Variants in PCDHGB7 observed in about 807,000 individuals in gnomAD.
The protein encoded by PCDHGB7 is protocadherin gamma-B7.
Under a neutral mutation model 61.4 loss-of-function variants are expected in PCDHGB7, and 37 were observed. That is an observed-to-expected ratio of 0.60 (90% confidence interval 0.46 to 0.79). The LOEUF (loss-of-function observed/expected upper bound fraction) is 0.79, where lower values mean the gene tolerates loss of function less well. PCDHGB7 is among the 30% of genes least tolerant of loss of function. The pLI is 0.00. For missense variants in PCDHGB7, 1,166 were observed against 1,202.5 expected, an observed-to-expected ratio of 0.97 and a Z score of 0.45; for synonymous variants, 464 against 503.5, an observed-to-expected ratio of 0.92 and a Z score of 1.05.
At chr5:141,470,302 C>A (rs996558051) in intron 1 of PCDHGB7, among the ~76,000 whole-genome samples, 5 of 152,188 alleles carry the variant, frequency 3.3e-5, no homozygotes, top group African/African-American at 1.2e-4. Context: ...GTTTTTATTC[C>A]ATTTTTCCTC....
At chr5:141,501,716 A>G (rs2099810687) in intron 2 of PCDHGB7, among the ~76,000 whole-genome samples, 1 of 152,160 alleles carries the variant, frequency 6.6e-6, no homozygotes, top group African/African-American at 2.4e-5. Flanking sequence ...TAAAAAAGAC[A>G]AATATATTAC....
At position 141,485,320 on chromosome 5, in the gene PCDHGB7, T is replaced by G; in HGVS notation, c.2416-9487T>G. The G allele has an allele frequency of 6.2e-7, 1 of 1,614,114 alleles. No individual in the cohort carries two copies. The highest frequency in any genetic ancestry group is 8.5e-7 in the Non-Finnish European group (1 of 1,180,018). ...AAGGGACTTTTGTAGGGAATGTCGC[T>G]CAAGATTTCCTGCTGGATACGGACA... is the stretch of plus-strand genomic sequence containing the variant. On this transcript the variant is annotated intron_variant, in intron 1 of 3. Transcript: ENST00000398594. The surrounding 1 kb of genome is among the most constrained non-coding windows in gnomAD (Gnocchi z 5.7).
Position 141,511,225 on chromosome 5 carries a change from C to A in PCDHGB7, c.*52C>A. ...GGCGGCCTCTCCCCAACCAGCCCAG[C>A]TTCTCCTTACCTGCACCCAGGCCTC... On this transcript the variant is annotated 3_prime_UTR_variant, in exon 4 of 4. Transcript: ENST00000398594. The A allele has an allele frequency of 6.2e-7, 1 of 1,601,624 alleles. No individual in the cohort carries two copies. Among genetic ancestry groups the A allele is most frequent in the Non-Finnish European group, 8.5e-7 (1 of 1,174,162 alleles).
chr5:141,422,656 G>A (rs759548203), intron 1 of PCDHGB7: 3 of 1,609,780 alleles, frequency 1.9e-6, no homozygotes, highest in Non-Finnish European at 1.7e-6. Context: ...CTCAGTGACC[G>A]CCCTCGACCC....
At chr5:141,510,860 G>A (rs1274817106) in intron 3 of PCDHGB7, 87 bp from the exon 4 acceptor site, 11 of 1,606,558 alleles carry the variant, frequency 6.8e-6, no homozygotes, top group South Asian at 4.4e-5. Context: ...GTGCTGTATA[G>A]GCATTCATTA....
intron 2 of PCDHGB7, 106 bp downstream of exon 2, chr5:141,494,971 C>T (rs1244836841): frequency 1.3e-6 from 2 of 1,583,382 alleles, no homozygotes; most frequent in African/African-American, 1.3e-5. Context: ...ATGGCTTCTC[C>T]CTCAGTTTGA....
chr5:141,447,301 G>A (rs557269538), intron 1 of PCDHGB7, among the ~76,000 whole-genome samples: 39 of 152,060 alleles, frequency 2.6e-4, no homozygotes, highest in Non-Finnish European at 1.5e-4. Flanking sequence ...CACCACACCC[G>A]GCTAATTTTT....
intron 1 of PCDHGB7, chr5:141,441,986 C>A (rs2098288559): frequency 1.1e-5 from 3 of 269,098 alleles, no homozygotes; most frequent in South Asian, 7.5e-5. Context: ...GAATGCGCAC[C>A]GACGAGGTGC....
At position 141,477,039 on chromosome 5, in the gene PCDHGB7, G is replaced by C. The variant is rs1313580652; in HGVS notation, c.2416-17768G>C. Reference sequence around the variant, plus strand: ...GTAACCGGGATGCTGACAATCAAGGGTCGGCTGGACTTCGAGGACACCAAA... The same window carrying C: ...GTAACCGGGATGCTGACAATCAAGGCTCGGCTGGACTTCGAGGACACCAAA... On this transcript the variant is annotated intron_variant, in intron 1 of 3. Coordinates refer to ENST00000398594, the MANE Select transcript of PCDHGB7 (RefSeq NM_018927.4). This position sits in a 1 kb window ranked among gnomAD's most constrained non-coding sequence, Gnocchi z 4.9. 1 of 1,614,144 alleles carries C rather than the reference G, an allele frequency of 6.2e-7. No individual in the cohort carries two copies. The highest frequency in any genetic ancestry group is 8.5e-7 in the Non-Finnish European group (1 of 1,180,056).
chr5:141,458,509 CTTTGT>C (rs1181745590), intron 1 of PCDHGB7, among the ~76,000 whole-genome samples: 1 of 149,986 alleles, frequency 6.7e-6, no homozygotes, highest in Non-Finnish European at 1.5e-5. Context: ...CTGTTTGACA[CTTTGT>C]TTTTTTTTTT....
intron 2 of PCDHGB7, among the ~76,000 whole-genome samples, chr5:141,496,406 G>C (rs1485949584): frequency 6.6e-6 from 1 of 152,160 alleles, no homozygotes; most frequent in African/African-American, 2.4e-5. Flanking sequence ...CTCAATGGTT[G>C]AGTACTTGCT....
intron 1 of PCDHGB7, among the ~76,000 whole-genome samples, chr5:141,492,862 G>A (rs2099744602): frequency 6.6e-6 from 1 of 152,198 alleles, no homozygotes. Context: ...GAGCGCCCTG[G>A]CTCTCAACCC....
At chr5:141,460,435 A>G (rs1002182353) in intron 1 of PCDHGB7, among the ~76,000 whole-genome samples, 1 of 152,144 alleles carries the variant, frequency 6.6e-6, no homozygotes, top group Admixed American at 6.6e-5. Context: ...GTATGGTGTG[A>G]GGTAACAATG....
chr5:141,438,807 G>A (rs956766683), intron 1 of PCDHGB7, among the ~76,000 whole-genome samples: 13 of 149,270 alleles, frequency 8.7e-5, no homozygotes, highest in African/African-American at 1.7e-4. Context: ...GATTACAGGC[G>A]CCTGTCACCA....
intron 1 of PCDHGB7, chr5:141,441,943 C>CT: frequency 1.2e-5 from 4 of 336,004 alleles, no homozygotes; most frequent in South Asian, 1.1e-4. Flanking sequence ...CTACCACGTG[C>CT]TGCAGGCCAG....
At chr5:141,427,965 C>G in intron 1 of PCDHGB7, 1 of 1,590,342 alleles carries the variant, frequency 6.3e-7, no homozygotes, top group Non-Finnish European at 8.6e-7. Flanking sequence ...GCCGCGGGTG[C>G]TGTACCCCGC....
chr5:141,441,835 G>A (rs1423189098), intron 1 of PCDHGB7: 9 of 353,636 alleles, frequency 2.5e-5, no homozygotes, highest in Admixed American at 2.1e-4. Flanking sequence ...CAATGGCTTC[G>A]CGCTCTTGGA....
At chr5:141,498,881 T>C (rs9686648) in intron 2 of PCDHGB7, among the ~76,000 whole-genome samples, 77,838 of 149,554 alleles carry the variant, frequency 0.52, 20,828 homozygotes, top group African/African-American at 0.65. Flanking sequence ...TGCAGTGAGC[T>C]GAGATCACAC....
intron 1 of PCDHGB7, among the ~76,000 whole-genome samples, chr5:141,466,036 G>C (rs981390655): frequency 1.3e-5 from 2 of 152,064 alleles, no homozygotes; most frequent in Non-Finnish European, 2.9e-5. Context: ...GCAGGAGAAC[G>C]GCATGAACCC....
Sources: gnomAD v4.1 joint callset for allele counts (sites outside exome capture counted in the v4.1 genomes callset) on GRCh38, gnomAD v4.1.1 for gene constraint, Gnocchi (gnomAD v3.1) non-coding constraint, MANE v1.5 for transcripts, NCBI Gene and HGNC (gene_info 2026-07-23, HGNC 2026-07-21) for gene names.